SULT4A1: variants seen among roughly 807,000 people sequenced by gnomAD.
The protein encoded by SULT4A1 is sulfotransferase 4A1.
SULT4A1 carries 11 observed loss-of-function variants against 35.2 expected under a neutral mutation model. The ratio of observed to expected loss-of-function variants is 0.31; its 90% CI spans 0.20 to 0.52. The LOEUF is 0.52. Among genes scored for constraint, SULT4A1 ranks in the 20% least tolerant of loss-of-function variants. The pLI, the probability that SULT4A1 is intolerant of heterozygous loss-of-function variation, is 0.97. For synonymous variants in SULT4A1, 152 were observed against 151.8 expected, an observed-to-expected ratio of 1.00 and a Z score of -0.01; for missense variants, 271 against 383.7, an observed-to-expected ratio of 0.71 and a Z score of 2.45.
chr22:43,825,003 A>G lies in SULT4A1; in HGVS notation c.*998T>C, dbSNP rs1323003927. 1.3e-5 allele frequency: 2 copies of G among 152,216 alleles called. No individual in the cohort carries two copies. Among genetic ancestry groups the G allele is most frequent in the East Asian group, 3.9e-4 (2 of 5,192 alleles). The allele number at this position is 152,216 out of a possible 1,614,324, so 9.4% of individuals were successfully genotyped here. ...GACAGACACGCAGGCGGCCGTGCCA[A>G]CCTGATCCGAGTGAAACAGGGCTAC... On this transcript the variant is annotated 3_prime_UTR_variant, in exon 7 of 7. Coordinates refer to ENST00000330884, the MANE Select transcript of SULT4A1 (RefSeq NM_014351.4).
intron 1 of SULT4A1, among the ~76,000 whole-genome samples, chr22:43,845,447 G>A (rs1016639399): frequency 1.1e-4 from 17 of 152,176 alleles, no homozygotes; most frequent in African/African-American, 3.4e-4. Context: ...GGCTCAGGCC[G>A]GATGGTGGCC....
rs543653627 is a variant in SULT4A1, at chr22:43,839,104, C to A, written c.382-111G>T. The A allele has an allele frequency of 1.9e-5, 27 of 1,421,654 alleles. 1 individual carries two copies. The highest frequency in any genetic ancestry group is 1.8e-4 in the African/African-American group (13 of 70,970). The allele number at this position is 1,421,654 out of a possible 1,614,324, so 88.1% of individuals were successfully genotyped here. On this transcript the variant is annotated intron_variant, in intron 3 of 6. Coordinates refer to ENST00000330884, the MANE Select transcript of SULT4A1 (RefSeq NM_014351.4). ...GCTGGTGCACCTCACAAACCAACACCTGCTTCCAGCGTCCAGCTGGGGCCC... is the reference window on the plus strand; with the variant it reads ...GCTGGTGCACCTCACAAACCAACACATGCTTCCAGCGTCCAGCTGGGGCCC...
At chr22:43,839,681 C>T (rs1008145512) in intron 3 of SULT4A1, among the ~76,000 whole-genome samples, 6 of 152,328 alleles carry the variant, frequency 3.9e-5, no homozygotes, top group South Asian at 2.1e-4. Flanking sequence ...AGCAGGTACA[C>T]GCCTGCTGGC....
rs1452862955 is a variant in SULT4A1 at position 43,859,461 on chromosome 22, C to G, written c.169+2753G>C. On this transcript the variant is annotated intron_variant, in intron 1 of 6. Transcript: ENST00000330884. ...GGACCGTATTTCAAAGCCCAAGCTC[C>G]ATGACTTTGGGGCTGTGCCCCCTCG... Among the ~76,000 whole-genome samples the G allele has an allele frequency of 5.3e-5, 8 of 152,266 alleles. 1 individual carries two copies. Among genetic ancestry groups the G allele is most frequent in the Admixed American group, 5.2e-4 (8 of 15,294 alleles).
At chr22:43,850,710 C>A (rs1569504737) in intron 1 of SULT4A1, among the ~76,000 whole-genome samples, 1 of 152,206 alleles carries the variant, frequency 6.6e-6, no homozygotes, top group Non-Finnish European at 1.5e-5. Context: ...CCCCTGACTG[C>A]AGGTGCCCGG....
chr22:43,827,333 A>C, intron 6 of SULT4A1: 1 of 985,482 alleles, frequency 1.0e-6, no homozygotes, highest in Non-Finnish European at 1.2e-6. Context: ...CGTAACACGG[A>C]CTTTCTCTTT....
At chr22:43,855,039 G>A (rs2049387329) in intron 1 of SULT4A1, among the ~76,000 whole-genome samples, 1 of 152,216 alleles carries the variant, frequency 6.6e-6, no homozygotes, top group South Asian at 2.1e-4. Flanking sequence ...TCTGGAAGGT[G>A]AGGACAGTGA....
intron 6 of SULT4A1, chr22:43,827,168 G>A (rs772398199): frequency 1.4e-5 from 14 of 985,248 alleles, no homozygotes; most frequent in East Asian, 2.3e-4. Context: ...AGAACTGCTC[G>A]TTTAGAATTC....
intron 5 of SULT4A1, 105 bp from the exon 6 acceptor site, chr22:43,829,303 T>C: frequency 7.8e-7 from 1 of 1,282,128 alleles, no homozygotes. Flanking sequence ...CACACGGCCT[T>C]CCTTACTTAA....
At chr22:43,844,832 G>A (rs558592470) in intron 1 of SULT4A1, among the ~76,000 whole-genome samples, 10 of 152,256 alleles carry the variant, frequency 6.6e-5, no homozygotes, top group Admixed American at 2.0e-4. Context: ...TCCCTGCTAC[G>A]GCCCAGGGGA....
At chr22:43,852,431 G>T (rs1199168181) in intron 1 of SULT4A1, among the ~76,000 whole-genome samples, 1 of 151,356 alleles carries the variant, frequency 6.6e-6, no homozygotes, top group East Asian at 2.0e-4. Flanking sequence ...TCCTGCCTCA[G>T]CCTCCCAAAG....
chr22:43,841,966 G>A lies in SULT4A1; in HGVS notation c.170-34C>T, dbSNP rs753984993. ...GAGAAGCCCCAGCGCGGGGTGCTCA[G>A]AGGAGGCCCACGCGCCCGGCCCTGT... On this transcript the variant is annotated intron_variant, in intron 1 of 6. Transcript: ENST00000330884. 37 of 1,600,922 alleles carry A rather than the reference G, an allele frequency of 2.3e-5. No individual in the cohort carries two copies. In the East Asian group the frequency reaches 7.4e-4, roughly 32 times the overall value.
intron 4 of SULT4A1, among the ~76,000 whole-genome samples, chr22:43,836,658 A>G (rs916160686): frequency 1.4e-5 from 2 of 147,926 alleles, no homozygotes; most frequent in African/African-American, 5.1e-5. Context: ...GCGTCCTCCA[A>G]CTGCAGGTGC....
chr22:43,839,823 T>G, intron 3 of SULT4A1, 122 bp downstream of exon 3: 2 of 893,536 alleles, frequency 2.2e-6, no homozygotes, highest in Non-Finnish European at 3.6e-6. Context: ...ACGTGTGGGC[T>G]CCTTGGGAAG....
intron 4 of SULT4A1, among the ~76,000 whole-genome samples, chr22:43,834,264 G>T (rs937284697): frequency 6.6e-6 from 1 of 151,768 alleles, no homozygotes; most frequent in Non-Finnish European, 1.5e-5. Context: ...CAAGAGGCCG[G>T]CACTCCCGCA....
intron 2 of SULT4A1, among the ~76,000 whole-genome samples, chr22:43,840,401 G>C (rs1308388353): frequency 6.6e-6 from 1 of 152,100 alleles, no homozygotes; most frequent in East Asian, 1.9e-4. Flanking sequence ...ACCCAGCCAG[G>C]ACAGCCTCCC....
In SULT4A1 at chr22:43,860,923, T is replaced by G. The variant is rs571310772; in HGVS notation, c.169+1291A>C. ...GACCTGACCTCTGTCCCTCAGCAAC[T>G]GTGTGACTCCGAACAATTTGTGCCT... On this transcript the variant is annotated intron_variant, in intron 1 of 6. Coordinates refer to ENST00000330884, the MANE Select transcript of SULT4A1 (RefSeq NM_014351.4). Among the ~76,000 whole-genome samples, 5 of 152,196 alleles carry G rather than the reference T, an allele frequency of 3.3e-5. No individual in the cohort carries two copies. The East Asian group carries it at 9.6e-4, about 29-fold the overall frequency.
intron 4 of SULT4A1, among the ~76,000 whole-genome samples, chr22:43,835,403 C>T (rs984026890): frequency 6.6e-6 from 1 of 152,222 alleles, no homozygotes; most frequent in Admixed American, 6.5e-5. Flanking sequence ...CGGTGCTAAG[C>T]AGCAGGAAGC....
chr22:43,827,317 A>G, intron 6 of SULT4A1: 2 of 985,424 alleles, frequency 2.0e-6, no homozygotes, highest in Non-Finnish European at 2.4e-6. Flanking sequence ...GAGCTAAAAT[A>G]CCCAACGTAA....
Sources: allele counts gnomAD v4.1 joint callset (sites outside exome capture counted in the v4.1 genomes callset), GRCh38; gene constraint gnomAD v4.1.1; transcripts MANE v1.5; gene names NCBI Gene and HGNC (gene_info 2026-07-23, HGNC 2026-07-21).